The following TTC28 variants were observed in gnomAD, a reference collection of about 807,000 sequenced individuals.
The protein encoded by TTC28 is tetratricopeptide repeat protein 28.
Under a neutral mutation model 198.0 loss-of-function variants are expected in TTC28, and 61 were observed. That is an observed-to-expected ratio of 0.31 (90% CI 0.25 to 0.38). The LOEUF is 0.38. TTC28 is among the 10% of genes least tolerant of loss of function. TTC28 has a pLI of 1.00. For missense variants in TTC28, 2,678 were observed against 3,164.0 expected (o/e 0.85, Z 3.69); for synonymous variants, 1,171 against 1,297.8 (o/e 0.90, Z 2.10).
At chr22:28,599,036 T>C (rs1009179747) in intron 2 of TTC28, among the ~76,000 whole-genome samples, 3 of 152,214 alleles carry the variant, frequency 2.0e-5, no homozygotes, top group African/African-American at 7.2e-5. Flanking sequence ...AGAATAAAAC[T>C]ACTTCTCTGT....
chr22:28,641,857 TAA>T (rs1365157953), intron 1 of TTC28, among the ~76,000 whole-genome samples: 1 of 152,078 alleles, frequency 6.6e-6, no homozygotes, highest in African/African-American at 2.4e-5. Flanking sequence ...TACAAAATAA[TAA>T]GTTTAAAAAT....
At chr22:28,324,865 A>C (rs1382976271) in intron 2 of TTC28, among the ~76,000 whole-genome samples, 23 of 152,214 alleles carry the variant, frequency 1.5e-4, no homozygotes, top group Admixed American at 1.5e-3. Context: ...CTCCTATTCA[A>C]CATAGTGTTG....
At chr22:28,525,088 C>A (rs898196677) in intron 2 of TTC28, among the ~76,000 whole-genome samples, 2 of 152,126 alleles carry the variant, frequency 1.3e-5, no homozygotes, top group Admixed American at 6.5e-5. Flanking sequence ...CTTAGTATAT[C>A]TTTAAAATGA....
chr22:28,075,225 A>C (rs575813922), intron 12 of TTC28, among the ~76,000 whole-genome samples: 1 of 152,200 alleles, frequency 6.6e-6, no homozygotes, highest in East Asian at 1.9e-4. Flanking sequence ...GCTGACTTAC[A>C]CTAAGAAGCT....
At chr22:28,207,224 GAA>G (rs71194756) in intron 5 of TTC28, among the ~76,000 whole-genome samples, 1 of 125,586 alleles carries the variant, frequency 8.0e-6, no homozygotes. Flanking sequence ...TAAGCAGATG[GAA>G]AAAAAAAAAA....
chr22:28,322,954 T>C (rs2045470299), intron 2 of TTC28, among the ~76,000 whole-genome samples: 1 of 152,176 alleles, frequency 6.6e-6, no homozygotes, highest in South Asian at 2.1e-4. Flanking sequence ...TCTTCAACAT[T>C]TTCTACTGCC....
At chr22:28,317,796 C>A (rs747812727) in intron 2 of TTC28, among the ~76,000 whole-genome samples, 2 of 152,112 alleles carry the variant, frequency 1.3e-5, no homozygotes, top group African/African-American at 2.4e-5. Flanking sequence ...AGTGAAAATG[C>A]AGAGAGAGGA....
At chr22:28,492,019 C>T (rs1243410692) in intron 2 of TTC28, among the ~76,000 whole-genome samples, 1 of 150,264 alleles carries the variant, frequency 6.7e-6, no homozygotes, top group Non-Finnish European at 1.5e-5. Flanking sequence ...GACAAAAAAA[C>T]AAACACCGCA....
At chr22:28,626,608 G>C (rs928645970) in intron 2 of TTC28, among the ~76,000 whole-genome samples, 23 of 151,920 alleles carry the variant, frequency 1.5e-4, no homozygotes, top group African/African-American at 5.5e-4. Flanking sequence ...ATAAAATCAA[G>C]ATTTTATAAA....
Position 28,035,723 on chromosome 22 carries a change from A to C in TTC28, c.3933-5357T>G, listed in dbSNP as rs530505959. 1.1e-3 allele frequency among the ~76,000 whole-genome samples: 167 copies of C among 152,344 alleles called. 1 individual carries two copies. Among genetic ancestry groups the C allele is most frequent in the Admixed American group, 2.5e-3 (38 of 15,306 alleles). Reference sequence around the variant, plus strand: ...AACTCTAGATTTCTGAGACCTTTGAAACTTTCCCGTGTGACTTACTTACCA... The same window carrying C: ...AACTCTAGATTTCTGAGACCTTTGACACTTTCCCGTGTGACTTACTTACCA... On this transcript the variant is annotated intron_variant, in intron 12 of 22. Transcript: ENST00000397906.
intron 1 of TTC28, among the ~76,000 whole-genome samples, chr22:28,631,682 G>A (rs1019398919): frequency 7.9e-5 from 12 of 151,824 alleles, no homozygotes; most frequent in African/African-American, 9.7e-5. Flanking sequence ...GCACCACCCC[G>A]CCTGGCTGAT....
chr22:28,049,586 C>T (rs1222162874), intron 12 of TTC28, among the ~76,000 whole-genome samples: 1 of 152,210 alleles, frequency 6.6e-6, no homozygotes, highest in Non-Finnish European at 1.5e-5. Context: ...TACTCCTTCC[C>T]TTCCCCCAGC....
At chr22:28,378,718 TTAG>T (rs1181359453) in intron 2 of TTC28, among the ~76,000 whole-genome samples, 1 of 150,866 alleles carries the variant, frequency 6.6e-6, no homozygotes, top group Non-Finnish European at 1.5e-5. Flanking sequence ...CCAAAATAGA[TTAG>T]TAGATTTGAA....
intron 16 of TTC28, chr22:27,997,371 G>A (rs1937570899): frequency 6.6e-6 from 1 of 152,202 alleles, no homozygotes; most frequent in Non-Finnish European, 1.5e-5. Flanking sequence ...TACTACAGTT[G>A]TGTTTGTAAA....
chr22:28,479,044 C>A (rs1168870524), intron 2 of TTC28, among the ~76,000 whole-genome samples: 1 of 152,084 alleles, frequency 6.6e-6, no homozygotes, highest in Non-Finnish European at 1.5e-5. Context: ...CAGCATCTAG[C>A]ACACATCTGG....
chr22:28,198,684 A>G (rs1925605340), intron 5 of TTC28, among the ~76,000 whole-genome samples: 1 of 152,098 alleles, frequency 6.6e-6, no homozygotes, highest in Non-Finnish European at 1.5e-5. Flanking sequence ...ACAGGGAAGA[A>G]CAGGCTGGAG....
chr22:28,618,130 C>A (rs2050931382), intron 2 of TTC28, among the ~76,000 whole-genome samples: 1 of 151,772 alleles, frequency 6.6e-6, no homozygotes, highest in Non-Finnish European at 1.5e-5. Flanking sequence ...AAAAAATTAG[C>A]CAGGCGTGGT....
intron 10 of TTC28, among the ~76,000 whole-genome samples, chr22:28,097,864 G>A (rs894369614): frequency 6.6e-6 from 1 of 152,108 alleles, no homozygotes; most frequent in East Asian, 1.9e-4. Context: ...CGGGAAAATC[G>A]GCCCCTAGGT....
chr22:28,186,578 T>C (rs1460068214), intron 5 of TTC28, among the ~76,000 whole-genome samples: 1 of 152,146 alleles, frequency 6.6e-6, no homozygotes, highest in Non-Finnish European at 1.5e-5. Flanking sequence ...ATGGGAGCTC[T>C]ACAGGAAGAA....
Sources: gnomAD v4.1 joint callset for allele counts (sites outside exome capture counted in the v4.1 genomes callset) on GRCh38, gnomAD v4.1.1 for gene constraint, MANE v1.5 for transcripts, NCBI Gene and HGNC (gene_info 2026-07-23, HGNC 2026-07-21) for gene names.